The following FAM151A variants were observed in gnomAD, a reference collection of about 807,000 sequenced individuals.
FAM151A encodes protein FAM151A.
A neutral mutation model predicts 40.4 loss-of-function variants in FAM151A; 41 were observed. That is an observed-to-expected ratio of 1.01 (90% CI 0.79 to 1.32). FAM151A has a LOEUF of 1.32. Among genes scored for constraint, FAM151A ranks in the 40% most tolerant of loss-of-function variants. The pLI is 0.00. For missense variants in FAM151A, 740 were observed against 740.4 expected (o/e 1.00, Z 0.01); for synonymous variants, 337 against 312.5 (o/e 1.08, Z -0.83).
rs779040447 is a variant in FAM151A at position 54,612,656 on chromosome 1, C to G, written c.630G>C (p.Trp210Cys). 4.3e-6 allele frequency: 7 copies of G among 1,613,884 alleles called. No individual in the cohort carries two copies. Among genetic ancestry groups the G allele is most frequent in the Non-Finnish European group, 2.5e-6 (3 of 1,180,008 alleles). ...KYPKATLSPG[W>C]TTFYMSTSPN... is the part of the protein sequence containing the mutation. ...GGGACGTGGACATGTAGAAGGTGGT[C>G]CAGCCTGGAGATAGGGTAGCCTTGG... Residue 210 changes from tryptophan (W) to cysteine (C), a missense_variant, in exon 5 of 8, where the codon TGG (tryptophan) becomes TGC (cysteine). Coordinates refer to ENST00000302250, the MANE Select transcript of FAM151A (RefSeq NM_176782.3).
intron 3 of FAM151A, among the ~76,000 whole-genome samples, chr1:54,615,581 G>A (rs59718689): frequency 0.013 from 1,922 of 151,980 alleles, 50 homozygotes; most frequent in African/African-American, 0.045. Flanking sequence ...AGGGTTAGGG[G>A]TTAGGATTGG....
chr1:54,611,726 G>C lies in FAM151A; in HGVS notation c.820C>G (p.Gln274Glu). The change falls in exon 6 of 8, where the codon CAG (glutamine) becomes GAG (glutamate). Residue 274 changes from glutamine to glutamate, a missense_variant. Physicochemically the swap from Gln to Glu is conservative, Grantham distance 29 (BLOSUM62 2). Transcript: ENST00000302250. ...QSERYSLTLW[Q>E]AASDPMSVED... ...ACCGACATGGGGTCCGAGGCAGCCT[G>C]CCACAGCGTCAGGCTGTACCTGGGG... 2 of 1,614,152 alleles carry C rather than the reference G, an allele frequency of 1.2e-6. No individual in the cohort carries two copies. The highest frequency in any genetic ancestry group is 2.7e-5 in the African/African-American group (2 of 75,058).
intron 6 of FAM151A, 43 bp downstream of exon 6, chr1:54,611,563 G>T: frequency 6.2e-7 from 1 of 1,605,958 alleles, no homozygotes; most frequent in Non-Finnish European, 8.5e-7. Flanking sequence ...GCTGCTCCAT[G>T]CAGAATCCAG....
chr1:54,612,115 A>C (rs1295913307), intron 5 of FAM151A, among the ~76,000 whole-genome samples: 2 of 93,522 alleles, frequency 2.1e-5, no homozygotes, highest in Non-Finnish European at 4.3e-5. Flanking sequence ...TAGGGGGTAT[A>C]GTGGGGGCAG....
At chr1:54,620,278 T>C (rs1215574709) in intron 1 of FAM151A, among the ~76,000 whole-genome samples, 1 of 152,128 alleles carries the variant, frequency 6.6e-6, no homozygotes, top group Admixed American at 6.5e-5. Context: ...GAAGGATGGG[T>C]GTAAATTTCA....
intron 1 of FAM151A, among the ~76,000 whole-genome samples, chr1:54,621,175 A>G (rs1386153641): frequency 6.7e-6 from 1 of 148,150 alleles, no homozygotes; most frequent in East Asian, 2.0e-4. Context: ...AAAAAAAAAA[A>G]CCTGCGCGCG....
intron 3 of FAM151A, 31 bp from the exon 4 acceptor site, chr1:54,614,890 A>G (rs769466309): frequency 6.2e-7 from 1 of 1,606,464 alleles, no homozygotes; most frequent in South Asian, 1.1e-5. Context: ...GCTTGGGGAA[A>G]TGGCGAAGGA....
chr1:54,619,871 G>T lies in FAM151A; in HGVS notation c.255C>A (p.Ala85=), dbSNP rs111721175. 5.0e-6 allele frequency: 8 copies of T among 1,613,778 alleles called. 1 individual carries two copies. In the African/African-American group the frequency reaches 8.0e-5, roughly 16 times the overall value. Residue 85 remains alanine (A), a synonymous_variant, in exon 2 of 8, where the codon GCC becomes GCA. Coordinates refer to ENST00000302250, the MANE Select transcript of FAM151A (RefSeq NM_176782.3). ...CTTGGCAGCTGGACTTACTGTTCAGGGCAGCTGTCATGGCTTTCTTGCTGT... is the reference window on the plus strand; with the variant it reads ...CTTGGCAGCTGGACTTACTGTTCAGTGCAGCTGTCATGGCTTTCTTGCTGT... ...AANSKKAMTA[A]LNSNITVLEA...
At chr1:54,622,206 G>A (rs187070428) in intron 1 of FAM151A, among the ~76,000 whole-genome samples, 115 of 150,924 alleles carry the variant, frequency 7.6e-4, no homozygotes, top group African/African-American at 2.7e-3. Flanking sequence ...AGCCCAGGGG[G>A]TGGAGGTTGC....
In FAM151A at chr1:54,609,365, GCTGTC is replaced by G. The variant is rs751940506; in HGVS notation, c.1656_1660del (p.Arg552SerfsTer6). 6.2e-7 allele frequency: 1 copy of G among 1,614,054 alleles called. No individual in the cohort carries two copies. The highest frequency in any genetic ancestry group is 1.7e-5 in the Admixed American group (1 of 60,006). ...GTCCACAGCCCTAGCTGCCAGCAAT[GCTGTC>G]CTCACAGAGGCATAGTCGCCCCCAG... On this transcript the variant is annotated frameshift_variant, in exon 8 of 8. Coordinates refer to ENST00000302250, the MANE Select transcript of FAM151A (RefSeq NM_176782.3). LOFTEE classifies it low-confidence loss of function (END_TRUNC).
intron 4 of FAM151A, among the ~76,000 whole-genome samples, chr1:54,613,488 G>A (rs1644140174): frequency 6.6e-6 from 1 of 151,266 alleles, no homozygotes; most frequent in Admixed American, 6.6e-5. Context: ...TGGTCTCGCT[G>A]TGTTGCCCAG....
chr1:54,615,929 C>T, intron 3 of FAM151A, 91 bp downstream of exon 3: 1 of 1,360,456 alleles, frequency 7.4e-7, no homozygotes, highest in Non-Finnish European at 1.0e-6. Context: ...CGTGTCAGGG[C>T]TGGACTTGCT....
chr1:54,614,281 C>T (rs1035388337), intron 4 of FAM151A, among the ~76,000 whole-genome samples: 10 of 152,284 alleles, frequency 6.6e-5, no homozygotes, highest in Admixed American at 2.0e-4. Context: ...AGGTTTTAGA[C>T]TTCTCTAGCA....
Position 54,609,213 on chromosome 1 carries a change from C to A in FAM151A, c.*55G>T. 1.9e-6 allele frequency: 3 copies of A among 1,590,272 alleles called. No individual in the cohort carries two copies. Among genetic ancestry groups the A allele is most frequent in the South Asian group, 1.2e-5 (1 of 86,880 alleles). Reference sequence around the variant, plus strand: ...AGCCAAAGACCTTTATTTCTTCCTGCCTCCCCGTGGGAAGCCTCCGCCCTG... The same window carrying A: ...AGCCAAAGACCTTTATTTCTTCCTGACTCCCCGTGGGAAGCCTCCGCCCTG... On this transcript the variant is annotated 3_prime_UTR_variant, in exon 8 of 8. Coordinates refer to ENST00000302250, the MANE Select transcript of FAM151A (RefSeq NM_176782.3).
At chr1:54,616,836 C>T (rs72903834) in intron 2 of FAM151A, among the ~76,000 whole-genome samples, 13,555 of 152,182 alleles carry the variant, frequency 0.089, 907 homozygotes, top group African/African-American at 0.17. Flanking sequence ...GTGTTCACTA[C>T]TATGTAGTTG....
chr1:54,609,883 G>A lies in FAM151A; in HGVS notation c.1143C>T (p.Pro381=), dbSNP rs760588689. Residue 381 remains proline, a synonymous_variant, in exon 8 of 8, where the codon CCC becomes CCT. Coordinates refer to ENST00000302250, the MANE Select transcript of FAM151A (RefSeq NM_176782.3). ...CACTTGGAGTATGAACAATGGGCAC[G>A]GGGTTTTCAGCCACAGTTCCCTCGA... The part of the protein sequence containing the change: ...TGLEGTVAEN[P]VPIVHTPSGN... 2.0e-5 allele frequency: 32 copies of A among 1,612,944 alleles called. No homozygotes were observed. The highest frequency in any genetic ancestry group is 5.3e-5 in the African/African-American group (4 of 74,946).
chr1:54,610,310 A>G (rs986799218), intron 7 of FAM151A, 102 bp downstream of exon 7: 1 of 1,542,466 alleles, frequency 6.5e-7, no homozygotes, highest in Non-Finnish European at 8.7e-7. Flanking sequence ...GGTGTAAATA[A>G]ACCTGTGTTG....
chr1:54,618,095 G>A (rs1042009716), intron 2 of FAM151A, among the ~76,000 whole-genome samples: 11 of 152,140 alleles, frequency 7.2e-5, no homozygotes, highest in Non-Finnish European at 1.3e-4. Context: ...CACACGTTGG[G>A]TAGCAAGGCT....
At chr1:54,618,232 G>A (rs186648135) in intron 2 of FAM151A, among the ~76,000 whole-genome samples, 56 of 152,266 alleles carry the variant, frequency 3.7e-4, no homozygotes, top group Non-Finnish European at 6.0e-4. Context: ...AGCCGGGCGC[G>A]GTGGCTCAGA....
Sources: gnomAD v4.1 joint callset for allele counts (sites outside exome capture counted in the v4.1 genomes callset) on GRCh38, gnomAD v4.1.1 for gene constraint, MANE v1.5 for transcripts, NCBI Gene and HGNC (gene_info 2026-07-23, HGNC 2026-07-21) for gene names.